Variants in CSMD3 observed in about 807,000 individuals in gnomAD.
The protein encoded by CSMD3 is CUB and sushi domain-containing protein 3.
A neutral mutation model predicts 435.2 loss-of-function variants in CSMD3; 177 were observed. That is an observed-to-expected ratio of 0.41 (90% CI 0.36 to 0.46). The LOEUF (loss-of-function observed/expected upper bound fraction) is 0.46. Ranked by LOEUF, CSMD3 falls within the 20% of genes least tolerant of loss-of-function variation. The probability of loss-of-function intolerance (pLI) is 0.34; values close to 1 mark genes in which losing one functional copy is unlikely to be tolerated. For missense variants in CSMD3, 4,265 were observed against 4,504.6 expected (o/e 0.95, Z 1.52); for synonymous variants, 1,656 against 1,520.5 (o/e 1.09, Z -2.07).
At chr8:112,698,847 T>C (rs1056161612) in intron 13 of CSMD3, among the ~76,000 whole-genome samples, 2 of 152,076 alleles carry the variant, frequency 1.3e-5, no homozygotes, top group African/African-American at 2.4e-5. Flanking sequence ...TCTATCTAGC[T>C]AAAGGATTGT....
At chr8:112,490,930 A>C (rs1820626064) in intron 31 of CSMD3, among the ~76,000 whole-genome samples, 1 of 152,118 alleles carries the variant, frequency 6.6e-6, no homozygotes, top group Non-Finnish European at 1.5e-5. Flanking sequence ...TTATTACTCT[A>C]TTTATTCCTT....
chr8:113,154,372 A>G (rs2091892742), intron 4 of CSMD3, among the ~76,000 whole-genome samples: 1 of 152,032 alleles, frequency 6.6e-6, no homozygotes, highest in Non-Finnish European at 1.5e-5. Flanking sequence ...GAATTATAAG[A>G]CTGAGATTTA....
At chr8:113,353,356 G>A (rs890007913) in intron 1 of CSMD3, among the ~76,000 whole-genome samples, 7 of 152,094 alleles carry the variant, frequency 4.6e-5, no homozygotes, top group African/African-American at 1.7e-4. Context: ...AGAGGCTGTA[G>A]AGAGAATGGT....
In CSMD3 at chr8:113,051,094, C is replaced by G. The variant is rs147704609; in HGVS notation, c.918-31915G>C. The stretch of plus-strand genomic sequence containing the variant: ...TTCAACATTAAAAGTGAAAAAAATA[C>G]TCTAACAATTTTTCCACAATATACT... On this transcript the variant is annotated intron_variant, in intron 5 of 70. Transcript: ENST00000297405. Among the ~76,000 whole-genome samples the G allele has an allele frequency of 6.8e-3, 1,037 of 152,182 alleles. 13 individuals carry two copies. The highest frequency in any genetic ancestry group is 0.024 in the African/African-American group (996 of 41,552).
intron 3 of CSMD3, among the ~76,000 whole-genome samples, chr8:113,271,534 C>T (rs746870251): frequency 2.0e-5 from 3 of 152,112 alleles, no homozygotes; most frequent in African/African-American, 7.2e-5. Flanking sequence ...TGATGTTGAG[C>T]CTGCGGGTGA....
intron 1 of CSMD3, among the ~76,000 whole-genome samples, chr8:113,327,957 G>A (rs1307414816): frequency 1.3e-5 from 2 of 152,118 alleles, no homozygotes; most frequent in Admixed American, 1.3e-4. Flanking sequence ...TGAATGCTAA[G>A]CTGAGAGAGA....
At chr8:112,288,235 T>C (rs1321103228) in intron 57 of CSMD3, among the ~76,000 whole-genome samples, 3 of 140,504 alleles carry the variant, frequency 2.1e-5, no homozygotes, top group Admixed American at 1.7e-4. Context: ...CTCAATTTAG[T>C]AGCAGTTTCC....
intron 3 of CSMD3, among the ~76,000 whole-genome samples, chr8:113,255,878 T>C (rs1001156913): frequency 6.6e-6 from 1 of 151,972 alleles, no homozygotes; most frequent in Non-Finnish European, 1.5e-5. Context: ...CATCCCTTGA[T>C]TTTATACTTT....
chr8:112,250,659 A>C (rs1373533307), intron 63 of CSMD3, among the ~76,000 whole-genome samples: 1 of 151,738 alleles, frequency 6.6e-6, no homozygotes, highest in African/African-American at 2.4e-5. Flanking sequence ...AATTCAAAAA[A>C]TTCTTGGAAA....
chr8:112,833,732 C>T (rs1401786047), intron 11 of CSMD3, among the ~76,000 whole-genome samples: 1 of 151,214 alleles, frequency 6.6e-6, no homozygotes, highest in African/African-American at 2.4e-5. Context: ...GCATGGTATT[C>T]ATACATAGTT....
intron 7 of CSMD3, among the ~76,000 whole-genome samples, chr8:112,975,123 TA>T (rs1262422996): frequency 6.6e-6 from 1 of 151,908 alleles, no homozygotes; most frequent in African/African-American, 2.4e-5. Flanking sequence ...CCTTATTTTG[TA>T]AAAGGTAGGC....
intron 22 of CSMD3, among the ~76,000 whole-genome samples, chr8:112,626,025 T>C (rs949175100): frequency 1.3e-5 from 2 of 152,066 alleles, no homozygotes; most frequent in Non-Finnish European, 2.9e-5. Context: ...TGTCTTGGTA[T>C]AATAAACAAA....
At chr8:113,126,589 G>C (rs1191908910) in intron 4 of CSMD3, among the ~76,000 whole-genome samples, 1 of 151,818 alleles carries the variant, frequency 6.6e-6, no homozygotes, top group Non-Finnish European at 1.5e-5. Flanking sequence ...ATTTTGATGA[G>C]AGAATACAAT....
chr8:113,033,079 A>C (rs2087188441), intron 5 of CSMD3, among the ~76,000 whole-genome samples: 5 of 151,532 alleles, frequency 3.3e-5, no homozygotes, highest in Admixed American at 3.3e-4. Context: ...GTATAGAAAC[A>C]CCTGGATGTC....
chr8:112,941,798 A>G (rs2083459494), intron 9 of CSMD3, among the ~76,000 whole-genome samples: 1 of 151,734 alleles, frequency 6.6e-6, no homozygotes, highest in South Asian at 2.1e-4. Flanking sequence ...TTTATTTTCT[A>G]GAGAATTTTC....
chr8:112,536,388 G>C, intron 27 of CSMD3, among the ~76,000 whole-genome samples: 1 of 152,092 alleles, frequency 6.6e-6, no homozygotes, highest in African/African-American at 2.4e-5. Flanking sequence ...TCTCAAAAGA[G>C]GACACTTATG....
chr8:113,293,837 G>A (rs72670745), intron 2 of CSMD3, among the ~76,000 whole-genome samples: 15,026 of 151,948 alleles, frequency 0.099, 1,122 homozygotes, highest in African/African-American at 0.2. Flanking sequence ...GATGTAGGAA[G>A]AAAAATACAT....
intron 35 of CSMD3, among the ~76,000 whole-genome samples, chr8:112,391,111 T>C (rs558457549): frequency 1.4e-3 from 211 of 152,336 alleles, no homozygotes; most frequent in African/African-American, 4.9e-3. Flanking sequence ...CATTTTTAGA[T>C]AAAAATTGTC....
intron 3 of CSMD3, among the ~76,000 whole-genome samples, chr8:113,182,851 T>C (rs1018258822): frequency 1.2e-4 from 18 of 151,276 alleles, no homozygotes; most frequent in Admixed American, 9.9e-4. Context: ...CTCTGGGAGA[T>C]GCACAGCAGT....
Sources: allele counts gnomAD v4.1 joint callset (sites outside exome capture counted in the v4.1 genomes callset), GRCh38; gene constraint gnomAD v4.1.1; transcripts MANE v1.5; gene names NCBI Gene and HGNC (gene_info 2026-07-23, HGNC 2026-07-21).